The following RAB12 variants were observed in gnomAD, a reference collection of about 807,000 sequenced individuals.
The protein encoded by RAB12 is RAB12, member RAS oncogene family, also known as ras-related protein Rab-12.
In RAB12, 11 loss-of-function variants were observed where a neutral mutation model predicts 28.4. The observed-to-expected ratio is 0.39, with a 90% CI of 0.24 to 0.64. RAB12 has a LOEUF of 0.64. Ranked by LOEUF, RAB12 falls within the 30% of genes least tolerant of loss-of-function variation. RAB12 has a pLI of 0.50. For synonymous variants in RAB12, 138 were observed against 145.3 expected, an observed-to-expected ratio of 0.95 and a Z score of 0.36; for missense variants, 276 against 351.1, an observed-to-expected ratio of 0.79 and a Z score of 1.71.
rs2096020348 is a variant in RAB12, at chr18:8,638,639, TA to T, written c.*378del. ...ATAAGAGAGAACGTGGTGCTTTGCT[TA>T]CCGTTTTAAAGAAAATTTGTAAAAC... On this transcript the variant is annotated 3_prime_UTR_variant, in exon 6 of 6. Coordinates refer to ENST00000649141, the MANE Select transcript of RAB12 (RefSeq NM_001025300.3). 1 of 155,678 alleles carries T rather than the reference TA, an allele frequency of 6.4e-6. No individual in the cohort carries two copies. Among genetic ancestry groups the T allele is most frequent in the Non-Finnish European group, 1.4e-5 (1 of 70,106 alleles). 9.6% of individuals were successfully genotyped at this position (155,678 alleles called of 1,614,324 possible). A position where few individuals can be genotyped will look rare whatever the true frequency, so the allele number is the denominator to read the frequency against.
intron 2 of RAB12, among the ~76,000 whole-genome samples, chr18:8,627,838 T>G (rs2096013703): frequency 6.6e-6 from 1 of 152,328 alleles, no homozygotes; most frequent in East Asian, 1.9e-4. Context: ...CCTTTTGTTC[T>G]CTGCTTGGAA....
At chr18:8,633,443 A>T in intron 3 of RAB12, 116 bp downstream of exon 3, 1 of 1,171,034 alleles carries the variant, frequency 8.5e-7, no homozygotes, top group Non-Finnish European at 1.2e-6. Context: ...ACTAAACATC[A>T]TTTAGCCCAT....
At chr18:8,620,141 T>TC (rs1420303975) in intron 1 of RAB12, among the ~76,000 whole-genome samples, 70 of 76,816 alleles carry the variant, frequency 9.1e-4, no homozygotes, top group African/African-American at 1.8e-3. Context: ...TTCTTCTTCT[T>TC]TTTTTTTTTT....
intron 2 of RAB12, among the ~76,000 whole-genome samples, 184 bp downstream of exon 2, chr18:8,625,182 A>T (rs1298168955): frequency 6.6e-6 from 1 of 152,244 alleles, no homozygotes; most frequent in Non-Finnish European, 1.5e-5. Flanking sequence ...GTTATGTTAT[A>T]TGCCACTTGC....
At chr18:8,616,695 T>C (rs560114078) in intron 1 of RAB12, among the ~76,000 whole-genome samples, 2 of 152,162 alleles carry the variant, frequency 1.3e-5, no homozygotes, top group South Asian at 2.1e-4. Flanking sequence ...ATTTTCACTT[T>C]TAATTTTTTA....
intron 1 of RAB12, among the ~76,000 whole-genome samples, chr18:8,622,572 C>T (rs2096010476): frequency 6.6e-6 from 1 of 152,220 alleles, no homozygotes; most frequent in South Asian, 2.1e-4. Flanking sequence ...AATAGACTAT[C>T]ACAAGGCAAG....
intron 2 of RAB12, among the ~76,000 whole-genome samples, chr18:8,630,979 C>T (rs888384087): frequency 2.6e-5 from 4 of 152,282 alleles, no homozygotes; most frequent in African/African-American, 9.6e-5. Flanking sequence ...ACCTCTGCCT[C>T]GCAGGCTCAA....
chr18:8,620,788 G>A (rs2096009486), intron 1 of RAB12, among the ~76,000 whole-genome samples: 1 of 152,114 alleles, frequency 6.6e-6, no homozygotes, highest in South Asian at 2.1e-4. Flanking sequence ...AGCAAAGAAG[G>A]AACGATGTGA....
At chr18:8,622,660 A>G (rs1428612900) in intron 1 of RAB12, among the ~76,000 whole-genome samples, 1 of 152,218 alleles carries the variant, frequency 6.6e-6, no homozygotes, top group Admixed American at 6.5e-5. Context: ...GTCATTGATA[A>G]CATCTTATCA....
intron 1 of RAB12, among the ~76,000 whole-genome samples, chr18:8,612,692 A>G (rs186321422): frequency 1.3e-4 from 20 of 152,120 alleles, no homozygotes; most frequent in African/African-American, 4.8e-4. Flanking sequence ...TATTTTTGAG[A>G]CAGAGTCTTG....
intron 2 of RAB12, among the ~76,000 whole-genome samples, chr18:8,625,295 C>G (rs1306395827): frequency 6.6e-6 from 1 of 152,182 alleles, no homozygotes; most frequent in Non-Finnish European, 1.5e-5. Context: ...TCAAAACTGT[C>G]TCCACTAAAA....
chr18:8,625,395 C>A (rs937423930), intron 2 of RAB12, among the ~76,000 whole-genome samples: 2 of 152,188 alleles, frequency 1.3e-5, no homozygotes, highest in Non-Finnish European at 2.9e-5. Flanking sequence ...TTTGCACAAT[C>A]TGAAGGCAGG....
At chr18:8,629,356 T>C (rs1256689432) in intron 2 of RAB12, among the ~76,000 whole-genome samples, 1 of 152,240 alleles carries the variant, frequency 6.6e-6, no homozygotes, top group Non-Finnish European at 1.5e-5. Flanking sequence ...GTCTTTAAGT[T>C]GCTTTTAGAA....
At position 8,633,125 on chromosome 18, in the gene RAB12, T is replaced by C. The variant is rs1019388125; in HGVS notation, c.576-64T>C. On this transcript the variant is annotated intron_variant, in intron 2 of 5. Coordinates refer to ENST00000649141, the MANE Select transcript of RAB12 (RefSeq NM_001025300.3). Reference sequence around the variant, plus strand: ...CTGCAGCATATAATCTATGTTTGCATTGGAATGTGATGGTGCTCACTTTGG... The same window carrying C: ...CTGCAGCATATAATCTATGTTTGCACTGGAATGTGATGGTGCTCACTTTGG... The C allele has an allele frequency of 1.9e-6, 3 of 1,594,264 alleles. No homozygotes were observed. The African/African-American group carries it at 4.0e-5, about 21-fold the overall frequency.
intron 2 of RAB12, 91 bp from the exon 3 acceptor site, chr18:8,633,098 A>C (rs573554863): frequency 1.8e-5 from 27 of 1,515,674 alleles, no homozygotes; most frequent in Non-Finnish European, 2.3e-5. Flanking sequence ...TTCGCAGAAA[A>C]ACTGCAGCAT....
chr18:8,620,542 A>G (rs1598309379), intron 1 of RAB12, among the ~76,000 whole-genome samples: 1 of 148,688 alleles, frequency 6.7e-6, no homozygotes, highest in Non-Finnish European at 1.5e-5. Context: ...TCCATTCCAC[A>G]CCTGCTACTC....
At chr18:8,637,881 G>A (rs915294558) in intron 5 of RAB12, among the ~76,000 whole-genome samples, 17 of 152,178 alleles carry the variant, frequency 1.1e-4, no homozygotes, top group Non-Finnish European at 4.4e-5. Flanking sequence ...AGTGGAAGTG[G>A]ATCATCATAA....
At chr18:8,636,389 A>G in intron 5 of RAB12, 32 bp downstream of exon 5, 2 of 1,296,570 alleles carry the variant, frequency 1.5e-6, no homozygotes, top group South Asian at 1.3e-5. Flanking sequence ...ATAAAAGTAT[A>G]TCATCTGAAA....
rs535944232 is a variant in RAB12 at position 8,612,148 on chromosome 18, A to G, written c.514+2195A>G. Among the ~76,000 whole-genome samples the G allele has an allele frequency of 1.6e-4, 25 of 152,270 alleles. No individual in the cohort carries two copies. In the East Asian group the frequency reaches 4.4e-3, roughly 27 times the overall value. The stretch of plus-strand genomic sequence containing the variant: ...TCGACTCTGTCCAGAAGTGGATCGG[A>G]GCTTCTGGGAGCTGCGTGACCGCTT... On this transcript the variant is annotated intron_variant, in intron 1 of 5. Coordinates refer to ENST00000649141, the MANE Select transcript of RAB12 (RefSeq NM_001025300.3).
Sources: gnomAD v4.1 joint callset for allele counts (sites outside exome capture counted in the v4.1 genomes callset) on GRCh38, gnomAD v4.1.1 for gene constraint, MANE v1.5 for transcripts, NCBI Gene and HGNC (gene_info 2026-07-23, HGNC 2026-07-21) for gene names.